The following TCAF2 variants were observed in gnomAD, a reference collection of about 807,000 sequenced individuals.
TCAF2 encodes the protein TRPM8 channel associated factor 2.
A neutral mutation model predicts 33.9 loss-of-function variants in TCAF2; 6 were observed. The observed-to-expected ratio is 0.18, with a 90% CI of 0.10 to 0.35. The LOEUF (loss-of-function observed/expected upper bound fraction) is 0.35. TCAF2 is among the 10% of genes least tolerant of loss of function. The pLI is 1.00. For missense variants in TCAF2, 109 were observed against 604.0 expected (o/e 0.18, Z 8.59); for synonymous variants, 41 against 247.8 (o/e 0.17, Z 7.84).
At position 143,729,063 on chromosome 7, in the gene TCAF2, A is replaced by G. The variant is rs1809752543; in HGVS notation, c.*1396A>G. On this transcript the variant is annotated 3_prime_UTR_variant, in exon 8 of 8. Transcript: ENST00000684770. ...GTACCCTTTGCCAGGGGCTCTACACATCAAAGGTGTTCATGAAGTATTTGT... is the reference window on the plus strand; with the variant it reads ...GTACCCTTTGCCAGGGGCTCTACACGTCAAAGGTGTTCATGAAGTATTTGT... The G allele has an allele frequency of 6.6e-6, 1 of 152,200 alleles. No homozygotes were observed. The highest frequency in any genetic ancestry group is 2.4e-5 in the African/African-American group (1 of 41,452). 9.4% of individuals were successfully genotyped at this position (152,200 alleles called of 1,614,324 possible). A position where few individuals can be genotyped will look rare whatever the true frequency, so the allele number is the denominator to read the frequency against.
intron 2 of TCAF2, among the ~76,000 whole-genome samples, chr7:143,717,031 GT>G (rs1809368469): frequency 2.6e-5 from 1 of 38,562 alleles, no homozygotes; most frequent in African/African-American, 1.6e-4. Context: ...ATTGACGTAT[GT>G]TTACTTTGCT....
intron 2 of TCAF2, among the ~76,000 whole-genome samples, chr7:143,719,425 A>AAAAGAAAG (rs368096378): frequency 1.3e-4 from 7 of 53,706 alleles, no homozygotes; most frequent in African/African-American, 1.3e-4. Context: ...AGAAAGAAAG[A>AAAAGAAAG]AAAGAAAGAA....
In TCAF2 at chr7:143,724,568, G is replaced by T. The variant is rs761035070; in HGVS notation, c.2376G>T (p.Gly792=). The T allele has an allele frequency of 3.7e-6, 6 of 1,610,968 alleles. No individual in the cohort carries two copies. Among genetic ancestry groups the T allele is most frequent in the Non-Finnish European group, 5.1e-6 (6 of 1,179,542 alleles). The change falls in exon 7 of 8, where the codon GGG becomes GGT. Residue 792 remains glycine (G), a synonymous_variant. Transcript: ENST00000684770. ...TCTACGTGCATGAAACAGTCCTGGG[G>T]ATCCCCAGGGCTCAGGCCCACGAGG... is the stretch of plus-strand genomic sequence containing the variant. ...WSVYVHETVL[G]IPRAQAHEAL...
intron 7 of TCAF2, among the ~76,000 whole-genome samples, chr7:143,725,441 G>C (rs1252778742): frequency 6.6e-6 from 1 of 151,948 alleles, no homozygotes; most frequent in Non-Finnish European, 1.5e-5. Context: ...GATAGGAGCT[G>C]TCTGGCCCAC....
chr7:143,648,481 G>A (rs1208706793), intron 1 of TCAF2, among the ~76,000 whole-genome samples: 3 of 141,196 alleles, frequency 2.1e-5, no homozygotes, highest in African/African-American at 7.6e-5. Flanking sequence ...TACTGCTTAT[G>A]AATTTCTCGA....
chr7:143,647,940 G>T, intron 1 of TCAF2, among the ~76,000 whole-genome samples: 1 of 134,284 alleles, frequency 7.4e-6, no homozygotes, highest in African/African-American at 2.7e-5. Flanking sequence ...TTTTATTTGA[G>T]ATGGAGTTTC....
chr7:143,634,986 GTCC>G (rs961319939), intron 1 of TCAF2, among the ~76,000 whole-genome samples: 1 of 119,732 alleles, frequency 8.4e-6, no homozygotes, highest in Non-Finnish European at 1.7e-5. Flanking sequence ...GTTCTCTCTA[GTCC>G]TTTTTTTGAT....
At chr7:143,727,336 AAT>A in intron 7 of TCAF2, 75 bp from the exon 8 acceptor site, 1 of 1,280,232 alleles carries the variant, frequency 7.8e-7, no homozygotes, top group South Asian at 1.6e-5. Context: ...ATGTGAATGA[AAT>A]ATATTTAAGA....
intron 1 of TCAF2, among the ~76,000 whole-genome samples, chr7:143,701,824 T>TTA (rs1554471983): frequency 1.7e-5 from 2 of 115,582 alleles, no homozygotes; most frequent in African/African-American, 6.8e-5. Context: ...TTATTTTATT[T>TTA]TATTTTTTGA....
intron 4 of TCAF2, among the ~76,000 whole-genome samples, chr7:143,722,021 GC>G (rs1436043091): frequency 1.2e-5 from 1 of 85,986 alleles, no homozygotes; most frequent in East Asian, 5.0e-4. Context: ...CCCAAAATAT[GC>G]CCTACATGCA....
In TCAF2 at chr7:143,724,487, G is replaced by T; in HGVS notation, c.2295G>T (p.Arg765=). The change falls in exon 7 of 8, where the codon CGG becomes CGT. Residue 765 remains arginine (R), a synonymous_variant. Coordinates refer to ENST00000684770, the MANE Select transcript of TCAF2 (RefSeq NM_001363538.2). The part of the protein sequence containing the change: ...PIHELGHNQQ[R]HGWEFPPHTT... ...ATGAGCTGGGCCACAACCAACAGCG[G>T]CATGGATGGGAGTTCCCCCCACACA... 3 of 1,611,280 alleles carry T rather than the reference G, an allele frequency of 1.9e-6. No individual in the cohort carries two copies. The highest frequency in any genetic ancestry group is 2.5e-6 in the Non-Finnish European group (3 of 1,179,610).
At chr7:143,708,573 A>AT (rs1809283161) in intron 2 of TCAF2, among the ~76,000 whole-genome samples, 1 of 32,210 alleles carries the variant, frequency 3.1e-5, no homozygotes, top group African/African-American at 2.1e-4. Context: ...AGACCCATTA[A>AT]TTTGTGTTTA....
intron 7 of TCAF2, among the ~76,000 whole-genome samples, chr7:143,725,363 T>C (rs2116532961): frequency 6.6e-6 from 1 of 152,030 alleles, no homozygotes; most frequent in Admixed American, 6.6e-5. Flanking sequence ...GCATTGAATG[T>C]CGATGTTTTC....
Position 143,728,219 on chromosome 7 carries a change from TC to T in TCAF2, c.*555del. 1 of 177,486 alleles carries T rather than the reference TC, an allele frequency of 5.6e-6. No individual in the cohort carries two copies. The highest frequency in any genetic ancestry group is 1.2e-5 in the Non-Finnish European group (1 of 83,016). 11.0% of individuals were successfully genotyped at this position (177,486 alleles called of 1,614,324 possible). On this transcript the variant is annotated 3_prime_UTR_variant, in exon 8 of 8. Transcript: ENST00000684770. ...AAAGCTGTTGTTTGATTTCTCCTGG[TC>T]CCATAGTGGACTGTTAACGGTGTCC...
At chr7:143,646,522 C>T in intron 1 of TCAF2, 1 of 257,688 alleles carries the variant, frequency 3.9e-6, no homozygotes, top group Non-Finnish European at 5.0e-6. Context: ...CAGAGTGAGA[C>T]TCTGTCTCAA....
chr7:143,718,476 C>A (rs191670714), intron 2 of TCAF2, among the ~76,000 whole-genome samples: 2 of 151,830 alleles, frequency 1.3e-5, no homozygotes, highest in African/African-American at 4.8e-5. Flanking sequence ...AATTTTAAAA[C>A]TTTTTCCATT....
chr7:143,703,269 C>T lies in TCAF2; in HGVS notation c.275C>T (p.Pro92Leu). Residue 92 changes from proline (P) to leucine (L), a missense_variant, in exon 2 of 8, where the codon CCC becomes CTC. Transcript: ENST00000684770. ...VSWLCPCPGAPVGVHPSLAPL... is the reference protein window; with the variant it reads ...VSWLCPCPGALVGVHPSLAPL... Reference sequence around the variant, plus strand: ...TGGCTCTGTCCCTGTCCTGGGGCTCCCGTGGGAGTGCATCCATCCCTGGCA... The same window carrying T: ...TGGCTCTGTCCCTGTCCTGGGGCTCTCGTGGGAGTGCATCCATCCCTGGCA... 1 of 1,473,898 alleles carries T rather than the reference C, an allele frequency of 6.8e-7. No individual in the cohort carries two copies. The highest frequency in any genetic ancestry group is 8.9e-7 in the Non-Finnish European group (1 of 1,120,928). The allele number at this position is 1,473,898 out of a possible 1,614,324, so 91.3% of individuals were successfully genotyped here.
chr7:143,724,868 T>C, intron 7 of TCAF2, 171 bp downstream of exon 7: 1 of 1,478,094 alleles, frequency 6.8e-7, no homozygotes, highest in African/African-American at 1.4e-5. Flanking sequence ...GTTATACCCC[T>C]CTAAGGCAGA....
chr7:143,701,766 ATTTTATTTT>A, intron 1 of TCAF2, among the ~76,000 whole-genome samples: 8 of 16,088 alleles, frequency 5.0e-4, no homozygotes, highest in South Asian at 4.6e-3. Context: ...ATTTTACTTT[ATTTTATTTT>A]ATTTTATTTT....
Sources: allele counts gnomAD v4.1 joint callset (sites outside exome capture counted in the v4.1 genomes callset), GRCh38; gene constraint gnomAD v4.1.1; transcripts MANE v1.5; gene names NCBI Gene and HGNC (gene_info 2026-07-23, HGNC 2026-07-21).